TRPV1: variants seen among roughly 807,000 people sequenced by gnomAD.
TRPV1 encodes OTRPC1.
In TRPV1, 82 loss-of-function variants were observed where a neutral mutation model predicts 82.3. The observed-to-expected ratio is 1.00, with a 90% CI of 0.83 to 1.20. The LOEUF (loss-of-function observed/expected upper bound fraction) is 1.20. Ranked by LOEUF, TRPV1 falls within the 50% of genes most tolerant of loss-of-function variation. The pLI, the probability that TRPV1 is intolerant of heterozygous loss-of-function variation, is 0.00. For missense variants in TRPV1, 1,067 were observed against 1,096.8 expected (o/e 0.97, Z 0.38); for synonymous variants, 515 against 467.7 (o/e 1.10, Z -1.30).
intron 16 of TRPV1, among the ~76,000 whole-genome samples, chr17:3,568,590 G>A (rs906716136): frequency 2.0e-5 from 3 of 152,162 alleles, no homozygotes; most frequent in African/African-American, 7.2e-5. Context: ...CAGCTATAAT[G>A]GAGTATCTAG....
rs771788816 is a variant in TRPV1 at position 3,577,200 on chromosome 17, A to C, written c.1714-8T>G. 46 of 1,575,488 alleles carry C rather than the reference A, an allele frequency of 2.9e-5. No homozygotes were observed. The highest frequency in any genetic ancestry group is 3.8e-5 in the Non-Finnish European group (44 of 1,161,038). Reference sequence around the variant, plus strand: ...CAGGTCTCTCAGGATCATCTGCAGGAGACAGCAGGCTCATCAGAGCCGAGG... The same window carrying C: ...CAGGTCTCTCAGGATCATCTGCAGGCGACAGCAGGCTCATCAGAGCCGAGG... On this transcript the variant is annotated splice_region_variant and splice_polypyrimidine_tract_variant and intron_variant, in intron 12 of 16. Transcript: ENST00000572705.
Position 3,580,626 on chromosome 17 carries a change from C to A in TRPV1, c.1477-99G>T. ...CTAAATGGCACCATGATGGGGTGGT[C>A]GAATGTGTGAAAGCACAGATTGTGA... On this transcript the variant is annotated intron_variant, in intron 10 of 16. Coordinates refer to ENST00000572705, the MANE Select transcript of TRPV1 (RefSeq NM_080704.4). 3.2e-6 allele frequency: 4 copies of A among 1,258,734 alleles called. No homozygotes were observed. In the South Asian group the frequency reaches 4.8e-5, roughly 15 times the overall value. The allele number at this position is 1,258,734 out of a possible 1,614,324, so 78.0% of individuals were successfully genotyped here.
intron 2 of TRPV1, among the ~76,000 whole-genome samples, chr17:3,604,395 T>C (rs113560960): frequency 2.6e-5 from 4 of 151,968 alleles, no homozygotes; most frequent in African/African-American, 9.6e-5. Flanking sequence ...GTCAGGAGTT[T>C]GAGACCAGCC....
In TRPV1 at chr17:3,573,721, T is replaced by C. The variant is rs201271446; in HGVS notation, c.2015A>G (p.Tyr672Cys). 5 of 1,613,978 alleles carry C rather than the reference T, an allele frequency of 3.1e-6. No homozygotes were observed. Among genetic ancestry groups the C allele is most frequent in the Non-Finnish European group, 4.2e-6 (5 of 1,179,990 alleles). ...ILLLAYVILT[Y>C]ILLLNMLIAL... ...GATGAGCATGTTGAGCAGGAGGATGTAGGTGAGAATTACATAGGCCAGCAG... is the reference window on the plus strand; with the variant it reads ...GATGAGCATGTTGAGCAGGAGGATGCAGGTGAGAATTACATAGGCCAGCAG... The change falls in exon 14 of 17, where the codon TAC (tyrosine) becomes TGC (cysteine). Residue 672 changes from tyrosine (Y) to cysteine (C), a missense_variant. Physicochemically the swap from Tyr to Cys is radical, Grantham distance 194 (BLOSUM62 -2). Transcript: ENST00000572705.
chr17:3,601,489 C>A (rs2075262974), intron 2 of TRPV1, among the ~76,000 whole-genome samples: 1 of 152,024 alleles, frequency 6.6e-6, no homozygotes, highest in South Asian at 2.1e-4. Context: ...CCCTTTCCCC[C>A]ACCCTCCTCC....
chr17:3,592,677 T>G, intron 2 of TRPV1: 3 of 303,256 alleles, frequency 9.9e-6, no homozygotes, highest in Non-Finnish European at 1.9e-5. Flanking sequence ...GTTAGACCCA[T>G]CCCTCCTCGT....
chr17:3,580,018 G>A (rs2074985310), intron 11 of TRPV1, among the ~76,000 whole-genome samples: 2 of 134,702 alleles, frequency 1.5e-5, no homozygotes, highest in Admixed American at 1.5e-4. Flanking sequence ...CGATGCACAG[G>A]GCAGCCCCCG....
chr17:3,607,656 C>T (rs1231360245), intron 2 of TRPV1, among the ~76,000 whole-genome samples: 1 of 151,582 alleles, frequency 6.6e-6, no homozygotes, highest in African/African-American at 2.4e-5. Flanking sequence ...CCTGCCTCAG[C>T]CTCCTAAGTA....
At position 3,583,353 on chromosome 17, in the gene TRPV1, G is replaced by A. The variant is rs1368382665; in HGVS notation, c.1461C>T (p.Tyr487=). Residue 487 remains tyrosine (Y), a synonymous_variant, in exon 10 of 17, where the codon TAC becomes TAT. Transcript: ENST00000572705. ...GAACGCTTACCCCTCGGAAAAAGAAGTAGACTCCTCCTAACACAGACAGGA... is the reference window on the plus strand; with the variant it reads ...GAACGCTTACCCCTCGGAAAAAGAAATAGACTCCTCCTAACACAGACAGGA... ...GEILSVLGGV[Y]FFFRGIQYFL... The A allele has an allele frequency of 1.2e-6, 2 of 1,609,342 alleles. No homozygotes were observed. Among genetic ancestry groups the A allele is most frequent in the East Asian group, 2.2e-5 (1 of 44,842 alleles).
intron 10 of TRPV1, among the ~76,000 whole-genome samples, chr17:3,583,102 G>A (rs916122102): frequency 3.3e-5 from 5 of 152,166 alleles, no homozygotes; most frequent in African/African-American, 9.7e-5. Context: ...TCCGTGGAGT[G>A]GCTGGAGTGT....
At chr17:3,586,048 T>A in intron 8 of TRPV1, 122 bp from the exon 9 acceptor site, 1 of 1,305,904 alleles carries the variant, frequency 7.7e-7, no homozygotes, top group Non-Finnish European at 1.1e-6. Context: ...ACGGAGCAGG[T>A]GAGATGGGAG....
intron 16 of TRPV1, among the ~76,000 whole-genome samples, chr17:3,569,007 T>C (rs1050504970): frequency 7.9e-5 from 12 of 151,838 alleles, no homozygotes; most frequent in African/African-American, 2.9e-4. Context: ...CTCAGCAAAC[T>C]ATTGCAAGGA....
chr17:3,590,346 C>T lies in TRPV1; in HGVS notation c.651G>A (p.Leu217=). 6.2e-7 allele frequency: 1 copy of T among 1,614,022 alleles called. No homozygotes were observed. Among genetic ancestry groups the T allele is most frequent in the Non-Finnish European group, 8.5e-7 (1 of 1,179,902 alleles). Residue 217 remains leucine, a synonymous_variant, in exon 6 of 17, where the codon CTG becomes CTA. Transcript: ENST00000572705. ...HIAIERRNMA[L]VTLLVENGAD... is the part of the protein sequence containing the mutation. ...CTCCGTTCTCCACCAGGAGGGTCAC[C>T]AGGGCCATGTTGCGTCTCTCGATGG...
chr17:3,573,532 G>GGCCC lies in TRPV1; in HGVS notation c.2103+100_2103+101insGGGC. The GGCCC allele has an allele frequency of 1.3e-4, 34 of 257,076 alleles. 10 individuals are homozygous for GGCCC. Among genetic ancestry groups the GGCCC allele is most frequent in the South Asian group, 3.0e-4 (10 of 33,506 alleles). The allele number at this position is 257,076 out of a possible 1,614,324, so 15.9% of individuals were successfully genotyped here. A position where few individuals can be genotyped will look rare whatever the true frequency, so the allele number is the denominator to read the frequency against. On this transcript the variant is annotated intron_variant, in intron 14 of 16. Transcript: ENST00000572705. ...GCCCATACCCTCCTGGCCACACACCGCCCCCACCACCCACCCACCTGCAGC... is the reference window on the plus strand; with the variant it reads ...GCCCATACCCTCCTGGCCACACACCGGCCCCCCCCACCACCCACCCACCTGCAGC...
intron 11 of TRPV1, chr17:3,578,955 T>TATA (rs1286410345): frequency 6.6e-6 from 1 of 152,102 alleles, no homozygotes; most frequent in African/African-American, 2.4e-5. Context: ...TGTTCTTACT[T>TATA]ATAAGTGGAG....
At chr17:3,586,039 C>A (rs186027806) in intron 8 of TRPV1, 113 bp from the exon 9 acceptor site, 14 of 1,381,550 alleles carry the variant, frequency 1.0e-5, no homozygotes, top group Admixed American at 2.1e-5. Context: ...CCTCAGCCCA[C>A]GGAGCAGGTG....
intron 3 of TRPV1, 63 bp downstream of exon 3, chr17:3,592,004 C>A: frequency 1.3e-6 from 2 of 1,565,016 alleles, no homozygotes; most frequent in Non-Finnish European, 1.7e-6. Flanking sequence ...CCAGACCACC[C>A]TGTGGCATCT....
chr17:3,600,247 C>T (rs76717675), intron 2 of TRPV1, among the ~76,000 whole-genome samples: 6,834 of 152,220 alleles, frequency 0.045, 486 homozygotes, highest in African/African-American at 0.14. Flanking sequence ...CATGCTTCTT[C>T]TCCAGAACCA....
intron 10 of TRPV1, among the ~76,000 whole-genome samples, chr17:3,582,702 A>C (rs2150839052): frequency 6.6e-6 from 1 of 152,188 alleles, no homozygotes; most frequent in East Asian, 1.9e-4. Flanking sequence ...TCACGCCTGT[A>C]ATCCCAGCAC....
Sources: allele counts gnomAD v4.1 joint callset (sites outside exome capture counted in the v4.1 genomes callset), GRCh38; gene constraint gnomAD v4.1.1; transcripts MANE v1.5; gene names NCBI Gene and HGNC (gene_info 2026-07-23, HGNC 2026-07-21).